CDK15: variants seen among roughly 807,000 people sequenced by gnomAD.
CDK15 encodes the protein cyclin-dependent kinase 15.
Under a neutral mutation model 60.3 loss-of-function variants are expected in CDK15, and 62 were observed. The ratio of observed to expected loss-of-function variants is 1.03; its 90% CI spans 0.84 to 1.27. CDK15 has a LOEUF of 1.27. CDK15 is among the 50% of genes most tolerant of loss of function. The pLI is 0.00. For synonymous variants in CDK15, 194 were observed against 195.7 expected, an observed-to-expected ratio of 0.99 and a Z score of 0.07; for missense variants, 541 against 527.8, an observed-to-expected ratio of 1.03 and a Z score of -0.25.
chr2:201,846,370 G>C (rs1697663741), intron 8 of CDK15, among the ~76,000 whole-genome samples: 1 of 151,986 alleles, frequency 6.6e-6, no homozygotes, highest in Non-Finnish European at 1.5e-5. Flanking sequence ...GCAGGTGCCT[G>C]TAATCCCAGC....
intron 4 of CDK15, among the ~76,000 whole-genome samples, chr2:201,815,053 G>A (rs1350124188): frequency 6.6e-6 from 1 of 151,262 alleles, no homozygotes; most frequent in African/African-American, 2.4e-5. Context: ...CGGGGTTCAA[G>A]CAATTCTCCT....
rs142237246 is a variant in CDK15, at chr2:201,807,523, C to T, written c.153C>T (p.Ser51=). ...KLTDLKEASC[S]MTSFHPRGLQ... ...CAGACCTAAAAGAAGCATCATGTTC[C>T]ATGACTTCATTTCACCCCAGGGGAC... Residue 51 remains serine, a synonymous_variant, in exon 2 of 14, where the codon TCC becomes TCT. Transcript: ENST00000652192. The T allele has an allele frequency of 2.5e-5, 41 of 1,614,158 alleles. No individual in the cohort carries two copies. The South Asian group carries it at 4.0e-4, about 16-fold the overall frequency.
intron 8 of CDK15, among the ~76,000 whole-genome samples, chr2:201,842,743 A>G (rs867025577): frequency 6.6e-6 from 1 of 152,228 alleles, no homozygotes; most frequent in African/African-American, 2.4e-5. Context: ...AAGAGGAGAA[A>G]ACATCTAAGC....
At chr2:201,813,272 C>T (rs1195616390) in intron 4 of CDK15, among the ~76,000 whole-genome samples, 1 of 152,144 alleles carries the variant, frequency 6.6e-6, no homozygotes, top group East Asian at 1.9e-4. Context: ...TTCCATTCTT[C>T]TTTTCCTGGG....
At chr2:201,863,215 T>C (rs1210233779) in intron 10 of CDK15, among the ~76,000 whole-genome samples, 1 of 152,234 alleles carries the variant, frequency 6.6e-6, no homozygotes, top group Non-Finnish European at 1.5e-5. Flanking sequence ...ACATTTATTT[T>C]TAGTTTTCTC....
At chr2:201,812,019 C>T (rs1265472436) in intron 3 of CDK15, among the ~76,000 whole-genome samples, 1 of 151,698 alleles carries the variant, frequency 6.6e-6, no homozygotes, top group Admixed American at 6.6e-5. Context: ...GCTAAAAATA[C>T]AAAAATTAGC....
chr2:201,833,716 C>CTTCTT (rs111614334), intron 6 of CDK15, 132 bp from the exon 7 acceptor site: 1 of 170,340 alleles, frequency 5.9e-6, no homozygotes, highest in Non-Finnish European at 9.9e-6. Context: ...TCTTCTTCTT[C>CTTCTT]TTTTTTTTTT....
chr2:201,836,176 A>ATTTTT (rs56016931), intron 8 of CDK15, among the ~76,000 whole-genome samples: 19 of 100,962 alleles, frequency 1.9e-4, no homozygotes, highest in Non-Finnish European at 3.3e-4. Flanking sequence ...ATATTTATAT[A>ATTTTT]TTATATATAT....
Position 201,894,363 on chromosome 2 carries a change from G to T in CDK15, c.*1096G>T, listed in dbSNP as rs1699721392. 6.6e-6 allele frequency: 1 copy of T among 152,114 alleles called. No homozygotes were observed. The highest frequency in any genetic ancestry group is 2.4e-5 in the African/African-American group (1 of 41,412). The allele number at this position is 152,114 out of a possible 1,614,324, so 9.4% of individuals were successfully genotyped here. On this transcript the variant is annotated 3_prime_UTR_variant, in exon 14 of 14. Coordinates refer to ENST00000652192, the MANE Select transcript of CDK15 (RefSeq NM_001366386.2). ...ATGGAAAAAGGAAAAAGACACATGG[G>T]TAGCCCAAATCAACCTGCCTGAGTA... is the stretch of plus-strand genomic sequence containing the variant.
In CDK15 at chr2:201,880,015, C is replaced by T. The variant is rs1054446259; in HGVS notation, c.1059-13C>T. 6.2e-7 allele frequency: 1 copy of T among 1,611,762 alleles called. No individual in the cohort carries two copies. Among genetic ancestry groups the T allele is most frequent in the South Asian group, 1.1e-5 (1 of 90,634 alleles). On this transcript the variant is annotated splice_polypyrimidine_tract_variant and intron_variant, in intron 11 of 13. Transcript: ENST00000652192. ...TGCTGGAGAAACTCTATTTTTCTCT[C>T]CCACTTTTCCAGGCTGGGCAGGGTT...
chr2:201,867,978 T>G (rs989791009), intron 10 of CDK15, among the ~76,000 whole-genome samples: 1 of 152,194 alleles, frequency 6.6e-6, no homozygotes, highest in Non-Finnish European at 1.5e-5. Context: ...AGCTCGTAAG[T>G]GGCAAAAAGG....
intron 10 of CDK15, among the ~76,000 whole-genome samples, chr2:201,865,892 CAAAAAAAA>C (rs35178158): frequency 5.0e-5 from 2 of 40,084 alleles, no homozygotes; most frequent in South Asian, 2.9e-3. Context: ...TCCATCTCAA[CAAAAAAAA>C]AAAAAAAAAA....
At chr2:201,831,026 G>GA (rs1332912990) in intron 6 of CDK15, among the ~76,000 whole-genome samples, 1 of 152,206 alleles carries the variant, frequency 6.6e-6, no homozygotes, top group East Asian at 1.9e-4. Context: ...ACTAAACAGT[G>GA]AAAATGTTTG....
intron 10 of CDK15, among the ~76,000 whole-genome samples, chr2:201,857,204 A>G (rs1377539146): frequency 3.3e-5 from 1 of 30,516 alleles, no homozygotes; most frequent in Non-Finnish European, 5.2e-5. Context: ...CCGCAGTCCG[A>G]CCTGGGCGAC....
chr2:201,815,783 T>C (rs957794459), intron 4 of CDK15, among the ~76,000 whole-genome samples: 16 of 152,214 alleles, frequency 1.1e-4, no homozygotes, highest in Admixed American at 9.2e-4. Flanking sequence ...CTAATCTTTT[T>C]TGAGGACAAG....
chr2:201,819,981 G>A (rs927421618), intron 4 of CDK15, among the ~76,000 whole-genome samples: 3 of 152,026 alleles, frequency 2.0e-5, no homozygotes, highest in African/African-American at 7.3e-5. Context: ...TTTTTCCTTG[G>A]CCATTTTAGC....
chr2:201,868,669 G>A (rs1471438144), intron 10 of CDK15, among the ~76,000 whole-genome samples: 1 of 139,958 alleles, frequency 7.1e-6, no homozygotes. Context: ...AATCTACAAA[G>A]AACTTAAATA....
chr2:201,888,692 C>G, intron 12 of CDK15: 1 of 1,317,314 alleles, frequency 7.6e-7, no homozygotes, highest in Non-Finnish European at 9.6e-7. Context: ...GGTTGCCTTC[C>G]CAGCATGTTC....
intron 4 of CDK15, among the ~76,000 whole-genome samples, chr2:201,819,272 G>C (rs1696121607): frequency 6.6e-6 from 1 of 152,158 alleles, no homozygotes; most frequent in Admixed American, 6.5e-5. Flanking sequence ...TGAAGGCAGA[G>C]AGGTGAGAAG....
Sources: allele counts gnomAD v4.1 joint callset (sites outside exome capture counted in the v4.1 genomes callset), GRCh38; gene constraint gnomAD v4.1.1; transcripts MANE v1.5; gene names NCBI Gene and HGNC (gene_info 2026-07-23, HGNC 2026-07-21).